MAGI2: variants seen among roughly 807,000 people sequenced by gnomAD.
MAGI2 encodes membrane-associated guanylate kinase, WW and PDZ domain-containing protein 2.
In MAGI2, 35 loss-of-function variants were observed where a neutral mutation model predicts 133.3. The ratio of observed to expected loss-of-function variants is 0.26; its 90% CI spans 0.20 to 0.35. The LOEUF (loss-of-function observed/expected upper bound fraction) is 0.35. Among genes scored for constraint, MAGI2 ranks in the 10% least tolerant of loss-of-function variants. The pLI is 1.00. For synonymous variants in MAGI2, 729 were observed against 710.6 expected (o/e 1.03, Z -0.41); for missense variants, 1,636 against 1,863.4 (o/e 0.88, Z 2.25).
At chr7:78,791,674 C>T (rs1356507009) in intron 2 of MAGI2, among the ~76,000 whole-genome samples, 2 of 151,956 alleles carry the variant, frequency 1.3e-5, no homozygotes, top group Middle Eastern at 3.4e-3. Flanking sequence ...CTCAGCCTCC[C>T]GAGTAGCTGG....
intron 3 of MAGI2, among the ~76,000 whole-genome samples, chr7:78,550,403 G>T (rs1383964304): frequency 6.6e-6 from 1 of 152,130 alleles, no homozygotes; most frequent in South Asian, 2.1e-4. Context: ...TGCCAGAAAG[G>T]ATAAGCTTGG....
intron 2 of MAGI2, among the ~76,000 whole-genome samples, chr7:78,957,281 A>AG (rs1554311185): frequency 6.7e-5 from 10 of 150,140 alleles, no homozygotes; most frequent in Admixed American, 1.3e-4. Flanking sequence ...AAAAAAAAAA[A>AG]AAAAGAAAAG....
At chr7:78,061,241 C>T (rs1813221541) in intron 21 of MAGI2, among the ~76,000 whole-genome samples, 1 of 150,074 alleles carries the variant, frequency 6.7e-6, no homozygotes, top group Admixed American at 6.6e-5. Context: ...ACAACTGTGG[C>T]ATCAATGAGC....
At chr7:78,219,869 A>G (rs1207492443) in intron 10 of MAGI2, among the ~76,000 whole-genome samples, 3 of 152,158 alleles carry the variant, frequency 2.0e-5, no homozygotes, top group African/African-American at 7.2e-5. Flanking sequence ...TCTTGCCTAT[A>G]GTACTGTAAA....
chr7:78,393,411 A>G lies in MAGI2; in HGVS notation c.1046-24198T>C, dbSNP rs374566694. ...GGCAGCTGTGGCAGTTTGGCCAGAG[A>G]CAGCAGTGTCTTTACTCAGCTGTCC... On this transcript the variant is annotated intron_variant, in intron 6 of 21. Transcript: ENST00000354212. 1.2e-4 allele frequency among the ~76,000 whole-genome samples: 18 copies of G among 152,256 alleles called. No homozygotes were observed. The East Asian group carries it at 3.5e-3, about 29-fold the overall frequency.
chr7:78,380,033 G>A (rs1287052526), intron 6 of MAGI2, among the ~76,000 whole-genome samples: 1 of 151,760 alleles, frequency 6.6e-6, no homozygotes, highest in African/African-American at 2.4e-5. Context: ...AATTAAAACA[G>A]TGACCAGAAG....
intron 1 of MAGI2, among the ~76,000 whole-genome samples, chr7:79,217,510 A>G (rs1244254687): frequency 6.6e-6 from 1 of 152,012 alleles, no homozygotes; most frequent in African/African-American, 2.4e-5. Flanking sequence ...GAAGGTATTT[A>G]TAATTATCAT....
intron 1 of MAGI2, among the ~76,000 whole-genome samples, chr7:79,171,542 C>T (rs1042762546): frequency 6.6e-6 from 1 of 150,980 alleles, no homozygotes. Context: ...TATATCCCCT[C>T]AAAAATTAGT....
intron 9 of MAGI2, among the ~76,000 whole-genome samples, chr7:78,261,226 A>C (rs771269561): frequency 2.6e-5 from 4 of 152,152 alleles, no homozygotes; most frequent in Non-Finnish European, 5.9e-5. Context: ...CCACCAAATA[A>C]GTTATTATTG....
intron 2 of MAGI2, among the ~76,000 whole-genome samples, chr7:78,837,693 G>A (rs1488205356): frequency 1.3e-5 from 2 of 152,024 alleles, no homozygotes; most frequent in Admixed American, 6.6e-5. Flanking sequence ...AATGTAAAAC[G>A]CACACTTAAA....
At chr7:78,526,407 G>A (rs954974082) in intron 3 of MAGI2, among the ~76,000 whole-genome samples, 2 of 152,092 alleles carry the variant, frequency 1.3e-5, no homozygotes, top group Admixed American at 6.6e-5. Context: ...CACTTTTCAC[G>A]GAATATGTTT....
intron 9 of MAGI2, among the ~76,000 whole-genome samples, chr7:78,273,244 A>G (rs2150990920): frequency 6.6e-6 from 1 of 151,928 alleles, no homozygotes; most frequent in Non-Finnish European, 1.5e-5. Flanking sequence ...AAAATTCTTT[A>G]AGAATGTTGA....
intron 2 of MAGI2, among the ~76,000 whole-genome samples, chr7:78,653,746 G>A (rs1211277434): frequency 6.8e-6 from 1 of 146,882 alleles, no homozygotes; most frequent in African/African-American, 2.5e-5. Context: ...TGCATGTTCT[G>A]CACCTGTATC....
chr7:79,405,660 T>C lies in MAGI2; in HGVS notation c.301+47360A>G, dbSNP rs573644412. ...GTACCTAGGCCTTTAGCAATGCAAGTTCTGAACTTAAATGAGTTCCATGGG... is the reference window on the plus strand; with the variant it reads ...GTACCTAGGCCTTTAGCAATGCAAGCTCTGAACTTAAATGAGTTCCATGGG... On this transcript the variant is annotated intron_variant, in intron 1 of 21. Coordinates refer to ENST00000354212, the MANE Select transcript of MAGI2 (RefSeq NM_012301.4). Among the ~76,000 whole-genome samples, 461 of 152,232 alleles carry C rather than the reference T, an allele frequency of 3.0e-3. 2 individuals are homozygous for C. The highest frequency in any genetic ancestry group is 5.3e-3 in the Non-Finnish European group (359 of 68,008).
In MAGI2 at chr7:78,454,556, C is replaced by T. The variant is rs115921181; in HGVS notation, c.1045+35205G>A. ...CGGTCTTATCATATGATCCAGCAAT[C>T]GCATTCCTGGTTATTTATCCAAATG... On this transcript the variant is annotated intron_variant, in intron 6 of 21. Transcript: ENST00000354212. Among the ~76,000 whole-genome samples the T allele has an allele frequency of 5.8e-4, 88 of 152,298 alleles. 1 individual carries two copies. Among genetic ancestry groups the T allele is most frequent in the South Asian group, 1.9e-3 (9 of 4,828 alleles).
intron 10 of MAGI2, among the ~76,000 whole-genome samples, chr7:78,223,924 A>C (rs1404824516): frequency 6.6e-6 from 1 of 152,156 alleles, no homozygotes; most frequent in Non-Finnish European, 1.5e-5. Context: ...GGCACTTTTA[A>C]AATAAAATTG....
At chr7:78,302,372 G>A (rs376150103) in intron 9 of MAGI2, among the ~76,000 whole-genome samples, 4 of 152,112 alleles carry the variant, frequency 2.6e-5, no homozygotes, top group East Asian at 1.9e-4. Flanking sequence ...GGAATATAAC[G>A]TGGTCACCGG....
At chr7:78,140,947 T>C (rs1822680464) in intron 16 of MAGI2, among the ~76,000 whole-genome samples, 1 of 152,054 alleles carries the variant, frequency 6.6e-6, no homozygotes, top group Non-Finnish European at 1.5e-5. Flanking sequence ...AAATATAACG[T>C]GCAGCAAAAG....
chr7:79,105,943 TCA>T (rs1315075518), intron 1 of MAGI2, among the ~76,000 whole-genome samples: 3 of 152,228 alleles, frequency 2.0e-5, no homozygotes, highest in South Asian at 2.1e-4. Context: ...TGTATATGAC[TCA>T]CACACAAAAT....
Sources: gnomAD v4.1 joint callset for allele counts (sites outside exome capture counted in the v4.1 genomes callset) on GRCh38, gnomAD v4.1.1 for gene constraint, MANE v1.5 for transcripts, NCBI Gene and HGNC (gene_info 2026-07-23, HGNC 2026-07-21) for gene names.